The following B3GALT1 variants were observed in gnomAD, a reference collection of about 807,000 sequenced individuals.
B3GALT1 encodes the protein beta-1,3-galactosyltransferase 1.
A neutral mutation model predicts 23.2 loss-of-function variants in B3GALT1; 10 were observed. The ratio of observed to expected loss-of-function variants is 0.43; its 90% CI spans 0.27 to 0.73. The LOEUF (loss-of-function observed/expected upper bound fraction) is 0.73. Among genes scored for constraint, B3GALT1 ranks in the 30% least tolerant of loss-of-function variants. The probability of loss-of-function intolerance (pLI) is 0.21; values close to 1 mark genes in which losing one functional copy is unlikely to be tolerated. For synonymous variants in B3GALT1, 156 were observed against 141.5 expected, an observed-to-expected ratio of 1.10 and a Z score of -0.73; for missense variants, 299 against 405.4, an observed-to-expected ratio of 0.74 and a Z score of 2.25.
chr2:167,565,590 A>T (rs1351989202), intron 2 of B3GALT1, among the ~76,000 whole-genome samples: 1 of 152,192 alleles, frequency 6.6e-6, no homozygotes, highest in East Asian at 1.9e-4. Context: ...ATGGGAGACA[A>T]TTTTCGCAAC....
At chr2:167,571,840 A>G (rs182708206) in intron 2 of B3GALT1, among the ~76,000 whole-genome samples, 94 of 152,082 alleles carry the variant, frequency 6.2e-4, no homozygotes, top group African/African-American at 2.1e-3. Context: ...GACTTGCTGA[A>G]GTGAGTAATT....
At chr2:167,657,083 T>C (rs1685967788) in intron 3 of B3GALT1, among the ~76,000 whole-genome samples, 1 of 152,122 alleles carries the variant, frequency 6.6e-6, no homozygotes, top group African/African-American at 2.4e-5. Flanking sequence ...TATCATTCTC[T>C]GAGATAGGCA....
chr2:167,388,487 A>G (rs966093471), intron 1 of B3GALT1, among the ~76,000 whole-genome samples: 2 of 152,144 alleles, frequency 1.3e-5, no homozygotes, highest in Non-Finnish European at 2.9e-5. Context: ...GCCTCACTCA[A>G]GTTCTTTTAT....
intron 1 of B3GALT1, among the ~76,000 whole-genome samples, chr2:167,451,862 G>A (rs1041818909): frequency 2.0e-5 from 3 of 152,186 alleles, no homozygotes; most frequent in African/African-American, 7.2e-5. Flanking sequence ...GCTTGCCGTG[G>A]CTGCTGTGGA....
At chr2:167,507,111 TA>T (rs1024563525) in intron 2 of B3GALT1, among the ~76,000 whole-genome samples, 19 of 152,052 alleles carry the variant, frequency 1.2e-4, no homozygotes, top group Non-Finnish European at 2.5e-4. Flanking sequence ...AAATATTTCT[TA>T]AAAAAATACA....
At chr2:167,628,086 TAC>T (rs373511366) in intron 2 of B3GALT1, among the ~76,000 whole-genome samples, 44 of 151,892 alleles carry the variant, frequency 2.9e-4, no homozygotes, top group African/African-American at 9.9e-4. Flanking sequence ...GAGATTTCTT[TAC>T]ATATTCTGGT....
At chr2:167,474,934 C>A (rs1456454200) in intron 1 of B3GALT1, among the ~76,000 whole-genome samples, 1 of 152,024 alleles carries the variant, frequency 6.6e-6, no homozygotes, top group Non-Finnish European at 1.5e-5. Context: ...AAGACTTTGT[C>A]TCCTCATAAT....
chr2:167,429,923 G>A (rs186099174), intron 1 of B3GALT1, among the ~76,000 whole-genome samples: 1 of 152,300 alleles, frequency 6.6e-6, no homozygotes, highest in Non-Finnish European at 1.5e-5. Context: ...CTATATGCAA[G>A]ATGCCATTCT....
intron 1 of B3GALT1, among the ~76,000 whole-genome samples, chr2:167,307,761 C>G (rs1215703472): frequency 1.3e-5 from 2 of 151,968 alleles, no homozygotes. Flanking sequence ...ATCTTCCCTT[C>G]CCTTTTCCTG....
intron 4 of B3GALT1, among the ~76,000 whole-genome samples, chr2:167,859,949 A>G (rs1291545738): frequency 6.6e-6 from 1 of 152,210 alleles, no homozygotes; most frequent in Admixed American, 6.5e-5. Context: ...ATAAGTTAGC[A>G]AACTGGATAG....
rs543668424 is a variant in B3GALT1, at chr2:167,837,912, T to C, written c.-230+19119T>C. Among the ~76,000 whole-genome samples, 5 of 152,272 alleles carry C rather than the reference T, an allele frequency of 3.3e-5. No homozygotes were observed. The East Asian group carries it at 9.7e-4, about 29-fold the overall frequency. Reference sequence around the variant, plus strand: ...TCAACTACATGGAAACTGAACAACCTGCTCCTGAATGACTACTGGGTACAT... The same window carrying C: ...TCAACTACATGGAAACTGAACAACCCGCTCCTGAATGACTACTGGGTACAT... On this transcript the variant is annotated intron_variant, in intron 4 of 4. Coordinates refer to ENST00000392690, the MANE Select transcript of B3GALT1 (RefSeq NM_020981.4).
intron 1 of B3GALT1, among the ~76,000 whole-genome samples, chr2:167,367,380 C>T (rs1697604667): frequency 6.6e-6 from 1 of 152,194 alleles, no homozygotes; most frequent in South Asian, 2.1e-4. Context: ...CTACCCATTG[C>T]TTAGCATTGG....
chr2:167,678,824 T>C (rs530334352), intron 3 of B3GALT1, among the ~76,000 whole-genome samples: 2 of 152,356 alleles, frequency 1.3e-5, no homozygotes, highest in Admixed American at 1.3e-4. Context: ...GGATACACTT[T>C]ACGTAAGTAT....
chr2:167,614,763 A>G lies in B3GALT1; in HGVS notation c.-409-32146A>G, dbSNP rs573166924. On this transcript the variant is annotated intron_variant, in intron 2 of 4. Coordinates refer to ENST00000392690, the MANE Select transcript of B3GALT1 (RefSeq NM_020981.4). ...ATTTATAATTATAATGCAAATGCAA[A>G]TGCAAAATGTGATAAACATATTTCA... Among the ~76,000 whole-genome samples the G allele has an allele frequency of 4.6e-5, 7 of 152,176 alleles. No individual in the cohort carries two copies. The South Asian group carries it at 1.4e-3, about 31-fold the overall frequency.
chr2:167,372,570 G>T (rs1032850309), intron 1 of B3GALT1, among the ~76,000 whole-genome samples: 4 of 151,850 alleles, frequency 2.6e-5, no homozygotes, highest in African/African-American at 9.7e-5. Flanking sequence ...AAACATAATT[G>T]TTTATTTAGA....
chr2:167,619,619 G>A (rs1420131227), intron 2 of B3GALT1, among the ~76,000 whole-genome samples: 4 of 151,970 alleles, frequency 2.6e-5, no homozygotes, highest in Admixed American at 2.6e-4. Flanking sequence ...ATATTAACTG[G>A]TTTCATGATT....
chr2:167,529,768 T>C (rs1356831488), intron 2 of B3GALT1, among the ~76,000 whole-genome samples: 1 of 151,908 alleles, frequency 6.6e-6, no homozygotes, highest in Non-Finnish European at 1.5e-5. Context: ...TAACCACTTC[T>C]CACCCCTCTT....
At position 167,553,403 on chromosome 2, in the gene B3GALT1, G is replaced by T. The variant is rs560878479; in HGVS notation, c.-410+63126G>T. Among the ~76,000 whole-genome samples, 13 of 152,288 alleles carry T rather than the reference G, an allele frequency of 8.5e-5. 1 individual carries two copies. The South Asian group carries it at 2.7e-3, about 32-fold the overall frequency. On this transcript the variant is annotated intron_variant, in intron 2 of 4. Transcript: ENST00000392690. ...CCCCTTCTTTTCACATGAGGAAATT[G>T]AGACCGAGAAAACCTAAGTGGCTAC...
intron 1 of B3GALT1, among the ~76,000 whole-genome samples, chr2:167,330,694 A>G (rs1696959621): frequency 6.6e-6 from 1 of 152,152 alleles, no homozygotes; most frequent in African/African-American, 2.4e-5. Context: ...GTATCTTTTT[A>G]TGATATCAAT....
Sources: gnomAD v4.1 joint callset for allele counts (sites outside exome capture counted in the v4.1 genomes callset) on GRCh38, gnomAD v4.1.1 for gene constraint, MANE v1.5 for transcripts, NCBI Gene and HGNC (gene_info 2026-07-23, HGNC 2026-07-21) for gene names.